POU2F3: variants seen among roughly 807,000 people sequenced by gnomAD.
POU2F3 encodes POU class 2 homeobox 3.
POU2F3 carries 23 observed loss-of-function variants against 59.2 expected under a neutral mutation model. The ratio of observed to expected loss-of-function variants is 0.39; its 90% CI spans 0.28 to 0.55. The LOEUF (loss-of-function observed/expected upper bound fraction) is 0.55. Ranked by LOEUF, POU2F3 falls within the 20% of genes least tolerant of loss-of-function variation. The pLI, the probability that POU2F3 is intolerant of heterozygous loss-of-function variation, is 0.66. For synonymous variants in POU2F3, 190 were observed against 214.6 expected (o/e 0.89, Z 1.00); for missense variants, 473 against 544.5 (o/e 0.87, Z 1.31).
At chr11:120,261,485 A>G (rs546936277) in intron 2 of POU2F3, among the ~76,000 whole-genome samples, 4 of 152,314 alleles carry the variant, frequency 2.6e-5, no homozygotes, top group African/African-American at 9.6e-5. Flanking sequence ...CATGAGAACC[A>G]AAAGAGGCCT....
chr11:120,304,976 A>AAT, intron 6 of POU2F3, 54 bp from the exon 7 acceptor site: 2 of 1,141,176 alleles, frequency 1.8e-6, no homozygotes, highest in Non-Finnish European at 2.5e-6. Context: ...AAAAAATCAG[A>AAT]AAATGTTATT....
chr11:120,302,539 G>A (rs1039184891), intron 6 of POU2F3, 171 bp downstream of exon 6: 26 of 591,642 alleles, frequency 4.4e-5, no homozygotes, highest in Non-Finnish European at 6.1e-5. Flanking sequence ...CAAGTGGGGG[G>A]ACAATTTACC....
chr11:120,276,545 G>A (rs7936665), intron 3 of POU2F3, among the ~76,000 whole-genome samples: 19,096 of 151,722 alleles, frequency 0.13, 1,571 homozygotes, highest in South Asian at 0.37. Flanking sequence ...CTTCCTGGTG[G>A]ACACAGGATT....
intron 3 of POU2F3, 53 bp downstream of exon 3, chr11:120,269,297 C>A (rs953321830): frequency 2.8e-6 from 4 of 1,412,258 alleles, no homozygotes; most frequent in Non-Finnish European, 3.0e-6. Flanking sequence ...TGGGCATCAC[C>A]TATACTGTCT....
chr11:120,302,355 G>C lies in POU2F3; in HGVS notation c.431G>C (p.Gly144Ala). 6.2e-7 allele frequency: 1 copy of C among 1,608,198 alleles called. No individual in the cohort carries two copies. The highest frequency in any genetic ancestry group is 8.5e-7 in the Non-Finnish European group (1 of 1,174,692). Reference protein sequence around the residue: ...SGLLLPQTGPGLASQAFGHPG... With the variant: ...SGLLLPQTGPALASQAFGHPG... ...CTCCTCCTCCCACAGACTGGGCCGG[G>C]ACTGGCATCCCAGGTAAACAACCCC... The change falls in exon 6 of 13, where the codon GGA (glycine) becomes GCA (alanine). Residue 144 changes from glycine (G) to alanine (A), a missense_variant. Physicochemically the swap from Gly to Ala is moderately conservative, Grantham distance 60. Coordinates refer to ENST00000543440, the MANE Select transcript of POU2F3 (RefSeq NM_014352.4).
chr11:120,279,659 G>T (rs928259764), intron 3 of POU2F3, among the ~76,000 whole-genome samples: 1 of 152,216 alleles, frequency 6.6e-6, no homozygotes, highest in African/African-American at 2.4e-5. Flanking sequence ...GCCATGCTTG[G>T]TGCTTTGGCC....
At chr11:120,239,642 A>G (rs1938583978), upstream of POU2F3, among the ~76,000 whole-genome samples, 1 of 152,240 alleles carries the variant, frequency 6.6e-6, no homozygotes. Context: ...TCACCTGCTC[A>G]GCCCAATAGG....
rs760200159 is a variant in POU2F3 at position 120,317,257 on chromosome 11, C to T, written c.1164C>T (p.Asn388=). The change falls in exon 12 of 13, where the codon AAC becomes AAT. Residue 388 remains asparagine (N), a synonymous_variant. Coordinates refer to ENST00000543440, the MANE Select transcript of POU2F3 (RefSeq NM_014352.4). ...TVTSSCSPGN[N]SRPSSPGSGL... ...CGTCATCCTGTTCCCCTGGGAACAA[C>T]AGCAGGCCTTCATCTCCTGGCTCAG... 1 of 1,614,104 alleles carries T rather than the reference C, an allele frequency of 6.2e-7. No individual in the cohort carries two copies. The highest frequency in any genetic ancestry group is 1.3e-5 in the African/African-American group (1 of 75,052).
chr11:120,253,316 G>A (rs907946826), intron 2 of POU2F3, among the ~76,000 whole-genome samples: 4 of 150,916 alleles, frequency 2.7e-5, no homozygotes, highest in African/African-American at 9.8e-5. Context: ...CTGGAGTGCA[G>A]TGGCACAGTC....
At chr11:120,274,898 GA>G (rs1241357486) in intron 3 of POU2F3, among the ~76,000 whole-genome samples, 1 of 152,226 alleles carries the variant, frequency 6.6e-6, no homozygotes, top group Non-Finnish European at 1.5e-5. Context: ...GCTCACAAAG[GA>G]GAGATGTTCA....
intron 3 of POU2F3, among the ~76,000 whole-genome samples, chr11:120,274,701 T>C (rs1420116250): frequency 6.6e-6 from 1 of 152,168 alleles, no homozygotes; most frequent in Non-Finnish European, 1.5e-5. Context: ...AGATGCATAT[T>C]GGGGAGTTGC....
intron 1 of POU2F3, among the ~76,000 whole-genome samples, chr11:120,244,071 CT>C (rs1938776168): frequency 6.6e-6 from 1 of 152,128 alleles, no homozygotes; most frequent in Non-Finnish European, 1.5e-5. Flanking sequence ...AAAGAATTAC[CT>C]TCTTAAATTT....
At chr11:120,246,992 G>C (rs1429985249) in intron 2 of POU2F3, among the ~76,000 whole-genome samples, 1 of 152,182 alleles carries the variant, frequency 6.6e-6, no homozygotes, top group Non-Finnish European at 1.5e-5. Context: ...GCCTGGAGGT[G>C]ACTTTGCTTT....
chr11:120,240,575 A>G (rs1938618195), intron 1 of POU2F3, among the ~76,000 whole-genome samples: 1 of 151,720 alleles, frequency 6.6e-6, no homozygotes, highest in Non-Finnish European at 1.5e-5. Flanking sequence ...AACCCTGGAA[A>G]AGAATGAGGG....
At position 120,269,079 on chromosome 11, in the gene POU2F3, C is replaced by G; in HGVS notation, c.98-131C>G. The G allele has an allele frequency of 6.2e-6, 4 of 644,086 alleles. No homozygotes were observed. The South Asian group carries it at 6.4e-5, about 10-fold the overall frequency. 39.9% of individuals were successfully genotyped at this position (644,086 alleles called of 1,614,324 possible). ...GGAAACAGGTCGAGGAGGAGGATCC[C>G]AACCACAAGCGAAGCAGGTGCTCTT... On this transcript the variant is annotated intron_variant, in intron 2 of 12. Transcript: ENST00000543440.
chr11:120,287,323 A>G (rs1591418286), intron 3 of POU2F3, among the ~76,000 whole-genome samples: 1 of 152,364 alleles, frequency 6.6e-6, no homozygotes, highest in Middle Eastern at 3.4e-3. Flanking sequence ...TTTATGCATT[A>G]GTACCACATA....
At chr11:120,277,653 A>T (rs1276173029) in intron 3 of POU2F3, among the ~76,000 whole-genome samples, 2 of 152,064 alleles carry the variant, frequency 1.3e-5, no homozygotes, top group Non-Finnish European at 2.9e-5. Flanking sequence ...GCAGTGGCTT[A>T]TGCCTGTAGA....
intron 3 of POU2F3, among the ~76,000 whole-genome samples, chr11:120,284,230 T>A (rs1389905836): frequency 2.0e-5 from 3 of 152,176 alleles, no homozygotes; most frequent in Non-Finnish European, 4.4e-5. Flanking sequence ...GTTGGATTAT[T>A]GGGCTGAACC....
At position 120,318,429 on chromosome 11, in the gene POU2F3, T is replaced by A; in HGVS notation, c.*37T>A. On this transcript the variant is annotated 3_prime_UTR_variant, in exon 13 of 13. Coordinates refer to ENST00000543440, the MANE Select transcript of POU2F3 (RefSeq NM_014352.4). ...TTCTCCTACTCCAGCTGGCCCTGTA[T>A]TCCCCCTGGAAGGAAGGGAATCATG... 6.5e-7 allele frequency: 1 copy of A among 1,540,504 alleles called. No individual in the cohort carries two copies. Among genetic ancestry groups the A allele is most frequent in the Non-Finnish European group, 9.0e-7 (1 of 1,113,128 alleles).
Sources: allele counts gnomAD v4.1 joint callset (sites outside exome capture counted in the v4.1 genomes callset), GRCh38; gene constraint gnomAD v4.1.1; transcripts MANE v1.5; gene names NCBI Gene and HGNC (gene_info 2026-07-23, HGNC 2026-07-21).